NDUFAF2: variants seen among roughly 807,000 people sequenced by gnomAD.
NDUFAF2 encodes NADH dehydrogenase [ubiquinone] 1 alpha subcomplex assembly factor 2.
A neutral mutation model predicts 22.8 loss-of-function variants in NDUFAF2; 13 were observed. The observed-to-expected ratio is 0.57, with a 90% CI of 0.37 to 0.91. NDUFAF2 has a LOEUF of 0.91. NDUFAF2 is among the 40% of genes least tolerant of loss of function. The pLI, the probability that NDUFAF2 is intolerant of heterozygous loss-of-function variation, is 0.01. For synonymous variants in NDUFAF2, 53 were observed against 64.2 expected (o/e 0.83, Z 0.84); for missense variants, 162 against 195.2 (o/e 0.83, Z 1.01).
chr5:61,037,051 G>A (rs1359071325), intron 1 of NDUFAF2, among the ~76,000 whole-genome samples: 4 of 152,084 alleles, frequency 2.6e-5, no homozygotes, highest in Non-Finnish European at 5.9e-5. Context: ...GCTGTAAATA[G>A]TATAAGACCA....
At chr5:60,996,279 T>C (rs1751227699) in intron 1 of NDUFAF2, among the ~76,000 whole-genome samples, 1 of 152,116 alleles carries the variant, frequency 6.6e-6, no homozygotes, top group African/African-American at 2.4e-5. Flanking sequence ...CCAGGATGTG[T>C]CATTGTCTTC....
At chr5:60,960,939 C>T (rs931117225) in intron 1 of NDUFAF2, among the ~76,000 whole-genome samples, 5 of 151,932 alleles carry the variant, frequency 3.3e-5, no homozygotes, top group Non-Finnish European at 5.9e-5. Flanking sequence ...AATATAACTC[C>T]GATTAAGCAT....
At chr5:60,976,878 A>G (rs1469926913) in intron 1 of NDUFAF2, among the ~76,000 whole-genome samples, 2 of 152,170 alleles carry the variant, frequency 1.3e-5, no homozygotes, top group Non-Finnish European at 2.9e-5. Context: ...TGAGCAGTAC[A>G]TCAAAACCAG....
At chr5:61,025,135 T>A (rs921462283) in intron 1 of NDUFAF2, among the ~76,000 whole-genome samples, 3 of 148,226 alleles carry the variant, frequency 2.0e-5, no homozygotes, top group African/African-American at 7.3e-5. Flanking sequence ...TGTTTTAATA[T>A]TTTTTTTTCT....
At chr5:60,981,070 T>A (rs1750970721) in intron 1 of NDUFAF2, among the ~76,000 whole-genome samples, 3 of 152,120 alleles carry the variant, frequency 2.0e-5, no homozygotes, top group Admixed American at 2.0e-4. Context: ...TTATCAGTAT[T>A]TAAGTACAAT....
intron 3 of NDUFAF2, among the ~76,000 whole-genome samples, chr5:61,128,876 G>T (rs564861348): frequency 1.3e-5 from 2 of 151,960 alleles, no homozygotes; most frequent in African/African-American, 4.8e-5. Flanking sequence ...TACAGAATGG[G>T]AGAAAACTTT....
chr5:61,144,828 C>T (rs1741114785), intron 3 of NDUFAF2, among the ~76,000 whole-genome samples: 1 of 152,180 alleles, frequency 6.6e-6, no homozygotes, highest in Non-Finnish European at 1.5e-5. Flanking sequence ...TTCTCTCTCC[C>T]AACACATCAT....
intron 3 of NDUFAF2, among the ~76,000 whole-genome samples, chr5:61,139,117 A>T (rs159374): frequency 6.6e-6 from 1 of 152,044 alleles, no homozygotes; most frequent in Non-Finnish European, 1.5e-5. Context: ...AATCAAAAAT[A>T]CATTTAATAC....
chr5:61,147,349 A>G (rs1741154000), intron 3 of NDUFAF2, among the ~76,000 whole-genome samples: 1 of 151,368 alleles, frequency 6.6e-6, no homozygotes, highest in Non-Finnish European at 1.5e-5. Context: ...CCTGGGCTCA[A>G]GTGATCCTCC....
chr5:61,088,173 C>T (rs1451477596), intron 2 of NDUFAF2, among the ~76,000 whole-genome samples: 1 of 152,088 alleles, frequency 6.6e-6, no homozygotes, highest in Non-Finnish European at 1.5e-5. Context: ...CTGGCAATTT[C>T]TTGCCAATGG....
intron 2 of NDUFAF2, among the ~76,000 whole-genome samples, chr5:61,087,240 A>G (rs1045068230): frequency 3.9e-5 from 6 of 152,146 alleles, no homozygotes; most frequent in Non-Finnish European, 5.9e-5. Flanking sequence ...GGCTGCCTAC[A>G]AGCCATGAGA....
chr5:61,152,747 A>G lies in NDUFAF2; in HGVS notation c.302A>G (p.Lys101Arg). 2 of 1,587,346 alleles carry G rather than the reference A, an allele frequency of 1.3e-6. No homozygotes were observed. The highest frequency in any genetic ancestry group is 1.7e-6 in the Non-Finnish European group (2 of 1,167,826). Residue 101 changes from lysine (K) to arginine (R), a missense_variant, in exon 4 of 4, where the codon AAA becomes AGA. Coordinates refer to ENST00000296597, the MANE Select transcript of NDUFAF2 (RefSeq NM_174889.5). ...NEKHREEIKI[K>R]SQDFYEKEKL... Reference sequence around the variant, plus strand: ...AAACACAGAGAAGAAATCAAAATAAAAAGCCAAGATTTTTATGAAAAAGAA... The same window carrying G: ...AAACACAGAGAAGAAATCAAAATAAGAAGCCAAGATTTTTATGAAAAAGAA...
chr5:61,135,511 A>G (rs1740912510), intron 3 of NDUFAF2, among the ~76,000 whole-genome samples: 1 of 152,252 alleles, frequency 6.6e-6, no homozygotes, highest in Non-Finnish European at 1.5e-5. Context: ...ATTATATTAA[A>G]ACATATTAAT....
Position 60,973,446 on chromosome 5 carries a change from A to G in NDUFAF2, c.127+28064A>G, listed in dbSNP as rs1248705145. Reference sequence around the variant, plus strand: ...TAATTTTTTCCTTTTCACAAAGGGAAAAAAATATAACACAAAGATGTTATA... The same window carrying G: ...TAATTTTTTCCTTTTCACAAAGGGAGAAAAATATAACACAAAGATGTTATA... On this transcript the variant is annotated intron_variant, in intron 1 of 3. Transcript: ENST00000296597. Among the ~76,000 whole-genome samples, 20 of 152,264 alleles carry G rather than the reference A, an allele frequency of 1.3e-4. No homozygotes were observed. In the South Asian group the frequency reaches 4.1e-3, roughly 32 times the overall value.
At chr5:61,134,592 A>G (rs1268999680) in intron 3 of NDUFAF2, among the ~76,000 whole-genome samples, 1 of 152,146 alleles carries the variant, frequency 6.6e-6, no homozygotes, top group Non-Finnish European at 1.5e-5. Context: ...AGGCTGAGGC[A>G]GGAGAATGGC....
chr5:61,119,418 G>A (rs1752950935), intron 3 of NDUFAF2, among the ~76,000 whole-genome samples: 1 of 151,854 alleles, frequency 6.6e-6, no homozygotes. Flanking sequence ...TATGAAAATT[G>A]CTCTGATACT....
intron 3 of NDUFAF2, among the ~76,000 whole-genome samples, chr5:61,140,934 A>G (rs915089992): frequency 3.3e-5 from 5 of 152,154 alleles, no homozygotes; most frequent in African/African-American, 1.2e-4. Context: ...CTGGATAATA[A>G]CTGGGACACC....
chr5:61,064,600 T>C (rs1752206596), intron 1 of NDUFAF2, among the ~76,000 whole-genome samples: 1 of 151,876 alleles, frequency 6.6e-6, no homozygotes, highest in African/African-American at 2.4e-5. Context: ...TTAACAAATA[T>C]GTGGAAATTT....
chr5:60,988,160 G>A (rs1020690211), intron 1 of NDUFAF2, among the ~76,000 whole-genome samples: 1 of 152,130 alleles, frequency 6.6e-6, no homozygotes, highest in African/African-American at 2.4e-5. Flanking sequence ...GCCGTATCAG[G>A]AATGCAATCC....
Sources: gnomAD v4.1 joint callset for allele counts (sites outside exome capture counted in the v4.1 genomes callset) on GRCh38, gnomAD v4.1.1 for gene constraint, MANE v1.5 for transcripts, NCBI Gene and HGNC (gene_info 2026-07-23, HGNC 2026-07-21) for gene names.